The following WWOX variants were observed in gnomAD, a reference collection of about 807,000 sequenced individuals.
WWOX encodes WW domain-containing oxidoreductase.
Under a neutral mutation model 46.2 loss-of-function variants are expected in WWOX, and 69 were observed. The observed-to-expected ratio is 1.49, with a 90% CI of 1.23 to 1.82. The LOEUF (loss-of-function observed/expected upper bound fraction) is 1.82, where lower values mean the gene tolerates loss of function less well. Ranked by LOEUF, WWOX falls within the 40% of genes most tolerant of loss-of-function variation. The pLI, the probability that WWOX is intolerant of heterozygous loss-of-function variation, is 0.00. For synonymous variants in WWOX, 359 were observed against 202.6 expected (o/e 1.77, Z -6.56); for missense variants, 919 against 542.6 (o/e 1.69, Z -6.89).
chr16:78,903,781 C>T (rs977659881), intron 8 of WWOX, among the ~76,000 whole-genome samples: 1 of 152,166 alleles, frequency 6.6e-6, no homozygotes, highest in African/African-American at 2.4e-5. Context: ...CCGTGGGTTC[C>T]TTTCTAGCTC....
intron 8 of WWOX, among the ~76,000 whole-genome samples, chr16:79,045,746 T>A (rs1192445064): frequency 6.7e-6 from 1 of 148,358 alleles, no homozygotes; most frequent in Admixed American, 6.8e-5. Context: ...AGTGATGTAA[T>A]CTCTCTGGAG....
At chr16:78,996,376 A>ACCCCC (rs1338159064) in intron 8 of WWOX, 41 of 472,262 alleles carry the variant, frequency 8.7e-5, no homozygotes, top group Admixed American at 2.2e-4. Flanking sequence ...TTCTGCACCC[A>ACCCCC]CCCCCGCCCC....
intron 4 of WWOX, among the ~76,000 whole-genome samples, chr16:78,134,055 C>G (rs1356265131): frequency 1.3e-5 from 2 of 152,180 alleles, no homozygotes; most frequent in African/African-American, 4.8e-5. Flanking sequence ...TATGGTACGG[C>G]TCTATGTGTC....
intron 8 of WWOX, among the ~76,000 whole-genome samples, chr16:78,546,632 G>A (rs969537571): frequency 2.6e-5 from 4 of 152,160 alleles, no homozygotes; most frequent in African/African-American, 9.7e-5. Context: ...TAAATTCCTA[G>A]TCCCACTCCC....
chr16:78,552,516 C>A (rs1042440643), intron 8 of WWOX: 1 of 152,146 alleles, frequency 6.6e-6, no homozygotes, highest in African/African-American at 2.4e-5. Context: ...AGTGAGGGAG[C>A]GATGAGTAGA....
At chr16:79,168,011 T>C (rs1351772101) in intron 8 of WWOX, among the ~76,000 whole-genome samples, 1 of 152,240 alleles carries the variant, frequency 6.6e-6, no homozygotes, top group Non-Finnish European at 1.5e-5. Flanking sequence ...CTCCGTTCAC[T>C]TAGCATGCTG....
intron 8 of WWOX, among the ~76,000 whole-genome samples, chr16:78,490,016 C>T (rs1186998607): frequency 2.6e-5 from 4 of 152,164 alleles, no homozygotes; most frequent in Non-Finnish European, 4.4e-5. Flanking sequence ...TTACATTCTT[C>T]TTAAAATACG....
intron 6 of WWOX, among the ~76,000 whole-genome samples, chr16:78,402,864 CAG>C (rs138322115): frequency 0.055 from 8,311 of 152,238 alleles, 298 homozygotes; most frequent in Non-Finnish European, 0.077. Context: ...CAGCTGGTGA[CAG>C]GGGGACCACT....
intron 8 of WWOX, among the ~76,000 whole-genome samples, chr16:78,738,986 G>A (rs762694959): frequency 9.2e-5 from 14 of 152,144 alleles, no homozygotes; most frequent in East Asian, 1.9e-4. Flanking sequence ...CTAGGAAGAC[G>A]TAGGTGATAG....
chr16:78,421,176 G>C (rs1397810887), intron 6 of WWOX, among the ~76,000 whole-genome samples: 1 of 152,176 alleles, frequency 6.6e-6, no homozygotes, highest in African/African-American at 2.4e-5. Flanking sequence ...AATTACCACA[G>C]ATGGAGTGCC....
Position 78,774,163 on chromosome 16 carries a change from G to T in WWOX, c.1056+341411G>T, listed in dbSNP as rs920879222. On this transcript the variant is annotated intron_variant, in intron 8 of 8. Coordinates refer to ENST00000566780, the MANE Select transcript of WWOX (RefSeq NM_016373.4). ...CATCCCTGCAATCCCAGTACTTTGG[G>T]AGGCCAAGGCAGGCAGATCATGAGG... Among the ~76,000 whole-genome samples, 5 of 152,116 alleles carry T rather than the reference G, an allele frequency of 3.3e-5. No homozygotes were observed. The East Asian group carries it at 5.8e-4, about 18-fold the overall frequency.
intron 8 of WWOX, among the ~76,000 whole-genome samples, chr16:79,090,423 C>G (rs1012437782): frequency 2.0e-5 from 3 of 152,076 alleles, no homozygotes; most frequent in Non-Finnish European, 4.4e-5. Context: ...GGAGGGCCCT[C>G]TATGTGCAAT....
At chr16:78,623,154 A>G (rs1186105738) in intron 8 of WWOX, among the ~76,000 whole-genome samples, 1 of 151,936 alleles carries the variant, frequency 6.6e-6, no homozygotes, top group African/African-American at 2.4e-5. Flanking sequence ...TGGATGGAGA[A>G]CCCAGCTCAG....
At chr16:78,917,454 G>C (rs916841647) in intron 8 of WWOX, among the ~76,000 whole-genome samples, 2 of 151,642 alleles carry the variant, frequency 1.3e-5, no homozygotes, top group Admixed American at 6.6e-5. Context: ...ATCTAGTCTC[G>C]GTAGCTACCT....
intron 8 of WWOX, among the ~76,000 whole-genome samples, chr16:78,456,983 A>G (rs1223565379): frequency 6.6e-6 from 1 of 152,234 alleles, no homozygotes; most frequent in Non-Finnish European, 1.5e-5. Flanking sequence ...GGCTGGCAGC[A>G]TTTTTGCTAA....
At chr16:79,066,563 A>T (rs923491233) in intron 8 of WWOX, among the ~76,000 whole-genome samples, 1 of 152,134 alleles carries the variant, frequency 6.6e-6, no homozygotes, top group Admixed American at 6.5e-5. Context: ...GCCTCATTGG[A>T]TTTCTTTCCC....
chr16:79,074,813 T>C lies in WWOX; in HGVS notation c.1057-136795T>C, dbSNP rs965454833. ...TCAAATGCTGATGTAACCATTTCCA[T>C]TCTGAACTCAGAAAATGGAGATAAA... On this transcript the variant is annotated intron_variant, in intron 8 of 8. Transcript: ENST00000566780. 2.1e-3 allele frequency among the ~76,000 whole-genome samples: 326 copies of C among 152,140 alleles called. 4 individuals carry two copies. The highest frequency in any genetic ancestry group is 1.9e-4 in the Non-Finnish European group (13 of 68,032).
intron 8 of WWOX, among the ~76,000 whole-genome samples, chr16:78,924,323 C>A (rs554073035): frequency 1.3e-5 from 2 of 152,246 alleles, no homozygotes; most frequent in South Asian, 4.1e-4. Context: ...GGTGGGGTTG[C>A]TTTTAAACTT....
chr16:79,182,896 G>C (rs1424106), intron 8 of WWOX, among the ~76,000 whole-genome samples: 1 of 151,998 alleles, frequency 6.6e-6, no homozygotes, highest in Admixed American at 6.5e-5. Context: ...TTTAACAAAA[G>C]CCTTCTGGGC....
Sources: allele counts gnomAD v4.1 joint callset (sites outside exome capture counted in the v4.1 genomes callset), GRCh38; gene constraint gnomAD v4.1.1; transcripts MANE v1.5; gene names NCBI Gene and HGNC (gene_info 2026-07-23, HGNC 2026-07-21).